SLCO2A1: variants seen among roughly 807,000 people sequenced by gnomAD.
SLCO2A1 encodes solute carrier organic anion transporter family member 2A1.
A neutral mutation model predicts 71.7 loss-of-function variants in SLCO2A1; 60 were observed. That is an observed-to-expected ratio of 0.84 (90% CI 0.68 to 1.04). The LOEUF is 1.04. Among genes scored for constraint, SLCO2A1 ranks in the 50% least tolerant of loss-of-function variants. The pLI, the probability that SLCO2A1 is intolerant of heterozygous loss-of-function variation, is 0.00. For missense variants in SLCO2A1, 745 were observed against 813.4 expected, an observed-to-expected ratio of 0.92 and a Z score of 1.02; for synonymous variants, 308 against 326.7, an observed-to-expected ratio of 0.94 and a Z score of 0.62.
rs1273408589 is a variant in SLCO2A1 at position 133,942,326 on chromosome 3, T to TGGA, written c.1625+276_1625+278dup. 6.1e-5 allele frequency: 19 copies of TGGA among 309,152 alleles called. No homozygotes were observed. In the East Asian group the frequency reaches 1.1e-3, roughly 18 times the overall value. The allele number at this position is 309,152 out of a possible 1,614,324, so 19.2% of individuals were successfully genotyped here. On this transcript the variant is annotated intron_variant, in intron 11 of 13. Transcript: ENST00000310926. ...GTGATTTAACCTCCAATGTGCAGAG[T>TGGA]GGAGGCGCCAACAGGGCCTGTGTCA...
intron 1 of SLCO2A1, among the ~76,000 whole-genome samples, chr3:133,982,248 G>C (rs937631051): frequency 5.3e-5 from 8 of 152,148 alleles, no homozygotes; most frequent in African/African-American, 1.7e-4. Context: ...TTTGACTTCA[G>C]ATGCCTTGCC....
At chr3:133,981,742 C>T (rs1286944571) in intron 1 of SLCO2A1, among the ~76,000 whole-genome samples, 2 of 152,056 alleles carry the variant, frequency 1.3e-5, no homozygotes, top group Admixed American at 6.6e-5. Context: ...TTTGGGACTT[C>T]GAAGCAGGCG....
chr3:134,008,310 T>C (rs1429697395), intron 1 of SLCO2A1, among the ~76,000 whole-genome samples: 3 of 152,240 alleles, frequency 2.0e-5, no homozygotes, highest in African/African-American at 7.2e-5. Flanking sequence ...CATATGGGCA[T>C]AGTCCACTCT....
chr3:134,029,395 ACT>A (rs1935771595), intron 1 of SLCO2A1, among the ~76,000 whole-genome samples: 2 of 152,010 alleles, frequency 1.3e-5, no homozygotes, highest in South Asian at 4.2e-4. Context: ...CTCGCTTATA[ACT>A]CTGCCTGGAG....
intron 1 of SLCO2A1, among the ~76,000 whole-genome samples, chr3:133,987,525 A>G (rs965351269): frequency 2.0e-5 from 3 of 152,030 alleles, no homozygotes; most frequent in African/African-American, 7.2e-5. Flanking sequence ...CCCCACTTCA[A>G]GTTGTCTCGC....
chr3:134,000,027 G>T (rs1340959606), intron 1 of SLCO2A1, among the ~76,000 whole-genome samples: 10 of 152,342 alleles, frequency 6.6e-5, no homozygotes, highest in Admixed American at 2.6e-4. Context: ...AAACCCTCCA[G>T]TCAGGCGGTG....
At chr3:133,945,990 G>T (rs1446110931) in intron 9 of SLCO2A1, among the ~76,000 whole-genome samples, 1 of 152,072 alleles carries the variant, frequency 6.6e-6, no homozygotes, top group East Asian at 1.9e-4. Flanking sequence ...GATAAGGTAA[G>T]CAACTTCCCC....
At chr3:134,017,960 G>T (rs1935494547) in intron 1 of SLCO2A1, among the ~76,000 whole-genome samples, 1 of 152,186 alleles carries the variant, frequency 6.6e-6, no homozygotes, top group Non-Finnish European at 1.5e-5. Flanking sequence ...ATCAGAAAGA[G>T]GTGAGGTGAA....
At chr3:133,981,994 A>C (rs868103908) in intron 1 of SLCO2A1, among the ~76,000 whole-genome samples, 11 of 138,068 alleles carry the variant, frequency 8.0e-5, no homozygotes, top group Middle Eastern at 3.7e-3. Context: ...AAAAAAAAAA[A>C]CAAAACAAGA....
intron 3 of SLCO2A1, among the ~76,000 whole-genome samples, chr3:133,972,455 C>A (rs1019775160): frequency 3.9e-5 from 6 of 151,908 alleles, no homozygotes; most frequent in African/African-American, 1.2e-4. Flanking sequence ...CAGGGATGTG[C>A]AATATCAGGA....
chr3:133,975,975 G>A (rs1934435807), intron 2 of SLCO2A1, among the ~76,000 whole-genome samples: 1 of 152,130 alleles, frequency 6.6e-6, no homozygotes, highest in South Asian at 2.1e-4. Flanking sequence ...TTTATCCTTA[G>A]AATGATATAT....
At chr3:133,998,009 T>C (rs1935011401) in intron 1 of SLCO2A1, among the ~76,000 whole-genome samples, 1 of 152,170 alleles carries the variant, frequency 6.6e-6, no homozygotes, top group Admixed American at 6.5e-5. Context: ...GTGCTGGCTG[T>C]CTTATGCCAG....
At chr3:134,005,575 G>A (rs755490144) in intron 1 of SLCO2A1, among the ~76,000 whole-genome samples, 6 of 149,190 alleles carry the variant, frequency 4.0e-5, no homozygotes, top group South Asian at 2.1e-4. Flanking sequence ...TCCGCTTCCC[G>A]GGTTCACGCC....
chr3:134,011,022 A>G (rs1935328952), intron 1 of SLCO2A1, among the ~76,000 whole-genome samples: 1 of 152,124 alleles, frequency 6.6e-6, no homozygotes, highest in Non-Finnish European at 1.5e-5. Flanking sequence ...ACATTTACAC[A>G]TTAAATTTTG....
At chr3:133,936,964 T>G (rs1933285197) in intron 12 of SLCO2A1, among the ~76,000 whole-genome samples, 1 of 152,182 alleles carries the variant, frequency 6.6e-6, no homozygotes, top group South Asian at 2.1e-4. Flanking sequence ...GTCCTTTTTT[T>G]TACCCAAGAG....
chr3:133,987,658 G>A (rs988311822), intron 1 of SLCO2A1, among the ~76,000 whole-genome samples: 6 of 152,144 alleles, frequency 3.9e-5, no homozygotes, highest in African/African-American at 1.2e-4. Context: ...GCCCTGTCAC[G>A]GGCCATGGTC....
intron 1 of SLCO2A1, among the ~76,000 whole-genome samples, chr3:134,017,123 TG>T (rs1935470068): frequency 6.6e-6 from 1 of 152,078 alleles, no homozygotes; most frequent in Non-Finnish European, 1.5e-5. Flanking sequence ...CTTGAAGTGG[TG>T]GGGCGGTGGT....
At chr3:134,029,196 G>C (rs1935764793) in intron 1 of SLCO2A1, among the ~76,000 whole-genome samples, 1 of 152,174 alleles carries the variant, frequency 6.6e-6, no homozygotes, top group South Asian at 2.1e-4. Flanking sequence ...AGAAAGCCTG[G>C]GGAAGGAGAA....
At chr3:133,948,439 C>T in intron 8 of SLCO2A1, 97 bp downstream of exon 8, 1 of 1,295,768 alleles carries the variant, frequency 7.7e-7, no homozygotes, top group East Asian at 2.3e-5. Flanking sequence ...CTGCCTATGT[C>T]CGGTCTGGCC....
Sources: gnomAD v4.1 joint callset for allele counts (sites outside exome capture counted in the v4.1 genomes callset) on GRCh38, gnomAD v4.1.1 for gene constraint, MANE v1.5 for transcripts, NCBI Gene and HGNC (gene_info 2026-07-23, HGNC 2026-07-21) for gene names.